FMNL2: variants seen among roughly 807,000 people sequenced by gnomAD.
FMNL2 encodes the protein formin like 2.
Under a neutral mutation model 130.2 loss-of-function variants are expected in FMNL2, and 51 were observed. That is an observed-to-expected ratio of 0.39 (90% confidence interval 0.31 to 0.49). FMNL2 has a LOEUF of 0.49. FMNL2 is among the 20% of genes least tolerant of loss of function. FMNL2 has a pLI of 0.85. For synonymous variants in FMNL2, 465 were observed against 467.1 expected, an observed-to-expected ratio of 1.00 and a Z score of 0.06; for missense variants, 977 against 1,316.2, an observed-to-expected ratio of 0.74 and a Z score of 3.99.
At chr2:152,453,962 A>G (rs1688801532) in intron 1 of FMNL2, among the ~76,000 whole-genome samples, 1 of 152,202 alleles carries the variant, frequency 6.6e-6, no homozygotes, top group South Asian at 2.1e-4. Context: ...GGGAAATGAA[A>G]AATTAAGTAT....
chr2:152,363,635 C>T (rs1261421816), intron 1 of FMNL2, among the ~76,000 whole-genome samples: 1 of 152,014 alleles, frequency 6.6e-6, no homozygotes, highest in East Asian at 1.9e-4. Context: ...GATCTTGGCT[C>T]ACTGCAACTT....
intron 13 of FMNL2, among the ~76,000 whole-genome samples, chr2:152,617,650 C>G (rs752155269): frequency 6.7e-6 from 1 of 148,706 alleles, no homozygotes; most frequent in Non-Finnish European, 1.5e-5. Flanking sequence ...ATGGCATTCA[C>G]CAAAAAAAGG....
chr2:152,368,282 T>G lies in FMNL2; in HGVS notation c.117+32562T>G, dbSNP rs1219328323. ...TTTCTTCATAGAGAAGATGATCTTT[T>G]AGCCTTTCATCCTTTATTGCCTTTG... is the stretch of plus-strand genomic sequence containing the variant. On this transcript the variant is annotated intron_variant, in intron 1 of 25. Transcript: ENST00000288670. Among the ~76,000 whole-genome samples the G allele has an allele frequency of 3.3e-5, 5 of 152,338 alleles. No individual in the cohort carries two copies. The East Asian group carries it at 9.6e-4, about 29-fold the overall frequency.
intron 1 of FMNL2, among the ~76,000 whole-genome samples, chr2:152,412,453 T>TACAGATATATATA (rs1285433006): frequency 7.0e-4 from 5 of 7,118 alleles, no homozygotes; most frequent in Non-Finnish European, 1.6e-3. Flanking sequence ...ATTTTATATA[T>TACAGATATATATA]ATATATATAT....
Position 152,502,489 on chromosome 2 carries a change from C to A in FMNL2, c.118-19454C>A, listed in dbSNP as rs995644738. On this transcript the variant is annotated intron_variant, in intron 1 of 25. Coordinates refer to ENST00000288670, the MANE Select transcript of FMNL2 (RefSeq NM_052905.4). ...ATCACCTGAGGTCAGGAGTCTGAGA[C>A]CAGCCTGGCCAAAATGGTGAAACCA... Among the ~76,000 whole-genome samples the A allele has an allele frequency of 2.0e-5, 3 of 152,188 alleles. No individual in the cohort carries two copies. The South Asian group carries it at 6.2e-4, about 31-fold the overall frequency.
At chr2:152,351,521 G>T (rs905968699) in intron 1 of FMNL2, among the ~76,000 whole-genome samples, 2 of 152,182 alleles carry the variant, frequency 1.3e-5, no homozygotes, top group Non-Finnish European at 2.9e-5. Flanking sequence ...TCCCTGCAAA[G>T]GCCATGAACT....
intron 1 of FMNL2, among the ~76,000 whole-genome samples, chr2:152,503,538 G>A (rs1267981171): frequency 6.6e-6 from 1 of 152,090 alleles, no homozygotes; most frequent in Non-Finnish European, 1.5e-5. Context: ...ACGGATGTAG[G>A]AGAATGTAAA....
chr2:152,439,335 G>T (rs1579666087), intron 1 of FMNL2, among the ~76,000 whole-genome samples: 1 of 152,046 alleles, frequency 6.6e-6, no homozygotes, highest in South Asian at 2.1e-4. Context: ...AATAAGACAG[G>T]TTATTATTTT....
chr2:152,366,054 C>A (rs1195356384), intron 1 of FMNL2, among the ~76,000 whole-genome samples: 1 of 151,930 alleles, frequency 6.6e-6, no homozygotes, highest in African/African-American at 2.4e-5. Context: ...GGTTTAGAGC[C>A]CTTGATCTGT....
chr2:152,389,543 C>G (rs995852532), intron 1 of FMNL2, among the ~76,000 whole-genome samples: 4 of 152,180 alleles, frequency 2.6e-5, no homozygotes, highest in African/African-American at 9.7e-5. Context: ...AGATCTTTAA[C>G]TCCGAATTCT....
intron 2 of FMNL2, among the ~76,000 whole-genome samples, chr2:152,541,850 C>T (rs1192725945): frequency 6.6e-6 from 1 of 151,794 alleles, no homozygotes; most frequent in Non-Finnish European, 1.5e-5. Flanking sequence ...TCTAGTATAC[C>T]ATTGTATGAA....
At chr2:152,450,050 T>C (rs1177369895) in intron 1 of FMNL2, among the ~76,000 whole-genome samples, 4 of 152,220 alleles carry the variant, frequency 2.6e-5, no homozygotes, top group African/African-American at 7.2e-5. Context: ...GTCACCGACA[T>C]AGAAATATTC....
intron 3 of FMNL2, among the ~76,000 whole-genome samples, chr2:152,547,309 T>C (rs1399919372): frequency 6.6e-6 from 1 of 152,122 alleles, no homozygotes; most frequent in African/African-American, 2.4e-5. Flanking sequence ...TCTAGGGAGC[T>C]CTGGGGTTGG....
intron 1 of FMNL2, among the ~76,000 whole-genome samples, chr2:152,385,628 C>A (rs1237722828): frequency 6.6e-6 from 1 of 152,122 alleles, no homozygotes; most frequent in Non-Finnish European, 1.5e-5. Flanking sequence ...TAAGATAAGG[C>A]AAAAGTATAT....
Position 152,453,263 on chromosome 2 carries a change from A to ATTC in FMNL2, c.118-68680_118-68679insTTC, listed in dbSNP as rs1688752385. ...AAAGAAAGAAAATACGGCTGAATGA[A>ATTC]AGGTCAGGAGTGGATTCTGGGCCCT... On this transcript the variant is annotated intron_variant, in intron 1 of 25. Coordinates refer to ENST00000288670, the MANE Select transcript of FMNL2 (RefSeq NM_052905.4). Among the ~76,000 whole-genome samples, 55 of 152,008 alleles carry ATTC rather than the reference A, an allele frequency of 3.6e-4. 1 individual carries two copies. The highest frequency in any genetic ancestry group is 3.5e-3 in the Admixed American group (54 of 15,264).
intron 1 of FMNL2, among the ~76,000 whole-genome samples, chr2:152,446,494 T>C (rs1456329217): frequency 6.6e-6 from 1 of 152,208 alleles, no homozygotes; most frequent in Non-Finnish European, 1.5e-5. Context: ...CTTTCAACTT[T>C]TGTGATTGTT....
intron 6 of FMNL2, among the ~76,000 whole-genome samples, chr2:152,571,337 A>G (rs1696156974): frequency 6.6e-6 from 1 of 152,160 alleles, no homozygotes; most frequent in African/African-American, 2.4e-5. Flanking sequence ...TGCAAGATGT[A>G]TTACATGGGA....
intron 1 of FMNL2, among the ~76,000 whole-genome samples, chr2:152,421,628 A>G (rs1686928074): frequency 6.6e-6 from 1 of 152,116 alleles, no homozygotes; most frequent in African/African-American, 2.4e-5. Context: ...GAGGACACTG[A>G]ATTCACCTAG....
intron 1 of FMNL2, among the ~76,000 whole-genome samples, chr2:152,433,815 A>G (rs554141839): frequency 5.9e-5 from 9 of 152,250 alleles, no homozygotes; most frequent in African/African-American, 1.9e-4. Context: ...CTTCCCCCAT[A>G]ATTGGCCCCA....
Sources: gnomAD v4.1 joint callset for allele counts (sites outside exome capture counted in the v4.1 genomes callset) on GRCh38, gnomAD v4.1.1 for gene constraint, MANE v1.5 for transcripts, NCBI Gene and HGNC (gene_info 2026-07-23, HGNC 2026-07-21) for gene names.